NUP214: variants seen among roughly 807,000 people sequenced by gnomAD.
NUP214 encodes the protein nuclear pore complex protein Nup214.
In NUP214, 79 loss-of-function variants were observed where a neutral mutation model predicts 196.2. The ratio of observed to expected loss-of-function variants is 0.40; its 90% CI spans 0.34 to 0.49. NUP214 has a LOEUF of 0.49. Among genes scored for constraint, NUP214 ranks in the 20% least tolerant of loss-of-function variants. The pLI is 0.58. For missense variants in NUP214, 2,468 were observed against 2,539.0 expected (o/e 0.97, Z 0.60); for synonymous variants, 1,020 against 990.5 (o/e 1.03, Z -0.56).
At chr9:131,187,083 G>T in intron 24 of NUP214, 1 of 555,606 alleles carries the variant, frequency 1.8e-6, no homozygotes, top group Non-Finnish European at 3.3e-6. Flanking sequence ...TAAGGCCACT[G>T]CTTTGACTTT....
At chr9:131,131,594 T>C (rs966638020) in intron 5 of NUP214, among the ~76,000 whole-genome samples, 1 of 152,242 alleles carries the variant, frequency 6.6e-6, no homozygotes, top group Non-Finnish European at 1.5e-5. Context: ...TGAAATTTGG[T>C]ACATAATCTT....
chr9:131,189,172 A>G (rs753396095), intron 26 of NUP214, 41 bp downstream of exon 26: 2 of 1,475,008 alleles, frequency 1.4e-6, no homozygotes, highest in Middle Eastern at 1.7e-4. Context: ...TGAAAGAAGC[A>G]CTCCACAATA....
chr9:131,233,728 T>C lies in NUP214; in HGVS notation c.*241T>C, dbSNP rs1588186588. 1 of 533,314 alleles carries C rather than the reference T, an allele frequency of 1.9e-6. No homozygotes were observed. The highest frequency in any genetic ancestry group is 3.5e-6 in the Non-Finnish European group (1 of 286,306). 33.0% of individuals were successfully genotyped at this position (533,314 alleles called of 1,614,324 possible). A position where few individuals can be genotyped will look rare whatever the true frequency, so the allele number is the denominator to read the frequency against. ...CAGAACGTATGTGGGTTTTTTCAGA[T>C]CACAGCCAAGAAGATTGCCCCGTTT... On this transcript the variant is annotated 3_prime_UTR_variant, in exon 36 of 36. Coordinates refer to ENST00000359428, the MANE Select transcript of NUP214 (RefSeq NM_005085.4).
intron 32 of NUP214, among the ~76,000 whole-genome samples, chr9:131,223,835 C>T (rs903096589): frequency 5.2e-4 from 76 of 146,380 alleles, no homozygotes; most frequent in African/African-American, 1.7e-3. Context: ...CCTGGGTTCA[C>T]GCCATTCTCC....
At chr9:131,211,280 C>T (rs571756942) in intron 30 of NUP214, among the ~76,000 whole-genome samples, 1 of 152,266 alleles carries the variant, frequency 6.6e-6, no homozygotes, top group East Asian at 1.9e-4. Context: ...CAGGAAATGC[C>T]TCTCTGAAAA....
Position 131,175,453 on chromosome 9 carries a change from C to T in NUP214, c.3158-7C>T. On this transcript the variant is annotated splice_region_variant and splice_polypyrimidine_tract_variant and intron_variant, in intron 22 of 35. Coordinates refer to ENST00000359428, the MANE Select transcript of NUP214 (RefSeq NM_005085.4). Reference sequence around the variant, plus strand: ...CCACTCACACTTAATTTTTCTTTTCCTCTTAGTGGCTACATCTGCTAGCAA... The same window carrying T: ...CCACTCACACTTAATTTTTCTTTTCTTCTTAGTGGCTACATCTGCTAGCAA... The T allele has an allele frequency of 1.9e-6, 3 of 1,613,558 alleles. No homozygotes were observed. The highest frequency in any genetic ancestry group is 2.5e-6 in the Non-Finnish European group (3 of 1,179,748).
At chr9:131,184,588 G>A (rs566936952) in intron 24 of NUP214, among the ~76,000 whole-genome samples, 5 of 151,968 alleles carry the variant, frequency 3.3e-5, no homozygotes, top group African/African-American at 7.2e-5. Flanking sequence ...CACCCACCTC[G>A]GCCTCCCAAA....
At chr9:131,143,766 G>C (rs1336035627) in intron 11 of NUP214, among the ~76,000 whole-genome samples, 2 of 151,152 alleles carry the variant, frequency 1.3e-5, no homozygotes, top group African/African-American at 4.9e-5. Context: ...TATTGTACCT[G>C]AGTAGCTATT....
rs146467741 is a variant in NUP214, at chr9:131,198,597, A to G, written c.5103A>G (p.Pro1701=). ...GSTASTAAAT[P]QVSSSGFSSP... ...CAGCCAGCACAGCAGCTGCCACACC[A>G]CAGGTCAGCAGCTCAGGGTTTAGCA... is the stretch of plus-strand genomic sequence containing the variant. The change falls in exon 29 of 36, where the codon CCA becomes CCG. Residue 1701 remains proline, a synonymous_variant. Transcript: ENST00000359428. 3.1e-6 allele frequency: 5 copies of G among 1,614,050 alleles called. No individual in the cohort carries two copies. The highest frequency in any genetic ancestry group is 2.2e-5 in the South Asian group (2 of 91,092).
intron 19 of NUP214, chr9:131,163,467 G>A: frequency 2.3e-6 from 1 of 428,904 alleles, no homozygotes; most frequent in Non-Finnish European, 4.1e-6. Flanking sequence ...CAGTGTCATG[G>A]TTTGATTGAA....
rs772528549 is a variant in NUP214, at chr9:131,125,587, A to AG, written c.-116dup. 5.8e-6 allele frequency: 9 copies of AG among 1,547,302 alleles called. No individual in the cohort carries two copies. The Admixed American group carries it at 7.9e-5, about 14-fold the overall frequency. ...GTCACCAAAGCGCGCCGGAAATGCGAGGTCAACTGCGCGCCGCTGGCGCTG... is the reference window on the plus strand; with the variant it reads ...GTCACCAAAGCGCGCCGGAAATGCGAGGGTCAACTGCGCGCCGCTGGCGCTG... On this transcript the variant is annotated 5_prime_UTR_variant, in exon 1 of 36. Coordinates refer to ENST00000359428, the MANE Select transcript of NUP214 (RefSeq NM_005085.4). This position sits in a 1 kb window ranked among gnomAD's most constrained non-coding sequence, Gnocchi z 4.1.
intron 9 of NUP214, 150 bp downstream of exon 9, chr9:131,136,156 C>T (rs952342985): frequency 1.6e-6 from 1 of 611,062 alleles, no homozygotes; most frequent in African/African-American, 1.9e-5. Context: ...TTTTGTGCCT[C>T]AGCCTCCCAA....
intron 25 of NUP214, among the ~76,000 whole-genome samples, chr9:131,188,023 T>G (rs1337905176): frequency 6.6e-6 from 1 of 152,218 alleles, no homozygotes; most frequent in African/African-American, 2.4e-5. Flanking sequence ...AGGATAGGTG[T>G]TTAGATATGT....
At chr9:131,208,035 C>T (rs980585402) in intron 30 of NUP214, among the ~76,000 whole-genome samples, 3 of 151,990 alleles carry the variant, frequency 2.0e-5, no homozygotes, top group Non-Finnish European at 4.4e-5. Context: ...CACTTCACAC[C>T]CCCTAGGATG....
Position 131,222,928 on chromosome 9 carries a change from C to T in NUP214, c.5900C>T (p.Thr1967Ile), listed in dbSNP as rs761554435. The change falls in exon 32 of 36, where the codon ACA becomes ATA. Residue 1967 changes from threonine to isoleucine, a missense_variant and splice_region_variant. By Grantham distance (89) the Thr-to-Ile change is moderately conservative (BLOSUM62 -1). Transcript: ENST00000359428. ...QGFGFSSPNK[T>I]GGFGAAPVFG... ...TTTGGGTTTTCCTCTCCAAACAAAA[C>T]AGGTACTCCTATGTCTATTTGTTAT... The T allele has an allele frequency of 2.5e-6, 4 of 1,613,670 alleles. No homozygotes were observed. Among genetic ancestry groups the T allele is most frequent in the Non-Finnish European group, 3.4e-6 (4 of 1,179,756 alleles).
At chr9:131,152,942 A>AT (rs982754869) in intron 17 of NUP214, among the ~76,000 whole-genome samples, 10 of 151,862 alleles carry the variant, frequency 6.6e-5, no homozygotes, top group Non-Finnish European at 1.5e-4. Context: ...CACCCAGCTG[A>AT]TTTTTAAATT....
At position 131,151,914 on chromosome 9, in the gene NUP214, C is replaced by T; in HGVS notation, c.2436+20C>T. On this transcript the variant is annotated intron_variant, in intron 17 of 35. Transcript: ENST00000359428. ...CTTCAGGTAGGAGATCTATGTAAAT[C>T]TGTTTAAAAGATTTAAAAACAAGCT... is the stretch of plus-strand genomic sequence containing the variant. The T allele has an allele frequency of 6.4e-7, 1 of 1,570,384 alleles. No individual in the cohort carries two copies. The highest frequency in any genetic ancestry group is 2.3e-5 in the East Asian group (1 of 43,632).
chr9:131,198,364 G>C lies in NUP214; in HGVS notation c.4870G>C (p.Val1624Leu). The C allele has an allele frequency of 6.2e-7, 1 of 1,614,220 alleles. No individual in the cohort carries two copies. ...TPIASSTTSI[V>L]APGPSAEAAA... is the part of the protein sequence containing the mutation. ...CATAGCCTCCAGCACCACGTCCATT[G>C]TTGCTCCCGGCCCATCTGCAGAGGC... The change falls in exon 29 of 36, where the codon GTT (valine) becomes CTT (leucine). Residue 1624 changes from valine to leucine, a missense_variant. Coordinates refer to ENST00000359428, the MANE Select transcript of NUP214 (RefSeq NM_005085.4).
At chr9:131,156,354 G>T (rs928983559) in intron 17 of NUP214, among the ~76,000 whole-genome samples, 1 of 151,632 alleles carries the variant, frequency 6.6e-6, no homozygotes, top group Non-Finnish European at 1.5e-5. Context: ...GGATGGTCTC[G>T]ATCTCCTGAC....
Sources: allele counts gnomAD v4.1 joint callset (sites outside exome capture counted in the v4.1 genomes callset), GRCh38; gene constraint gnomAD v4.1.1; non-coding constraint Gnocchi (gnomAD v3.1); transcripts MANE v1.5; gene names NCBI Gene and HGNC (gene_info 2026-07-23, HGNC 2026-07-21).